Variants in ZNF142 observed in about 807,000 individuals in gnomAD.
The protein encoded by ZNF142 is zinc finger protein 142, also known as zinc finger protein 142 (clone pHZ-49).
A neutral mutation model predicts 132.1 loss-of-function variants in ZNF142; 96 were observed. The ratio of observed to expected loss-of-function variants is 0.73; its 90% CI spans 0.62 to 0.86. The LOEUF (loss-of-function observed/expected upper bound fraction) is 0.86, where lower values mean the gene tolerates loss of function less well. Ranked by LOEUF, ZNF142 falls within the 40% of genes least tolerant of loss-of-function variation. The pLI, the probability that ZNF142 is intolerant of heterozygous loss-of-function variation, is 0.00. For missense variants in ZNF142, 2,163 were observed against 2,336.2 expected, an observed-to-expected ratio of 0.93 and a Z score of 1.53; for synonymous variants, 842 against 890.1, an observed-to-expected ratio of 0.95 and a Z score of 0.96.
intron 9 of ZNF142, among the ~76,000 whole-genome samples, chr2:218,641,472 C>A (rs1318143656): frequency 2.0e-5 from 3 of 150,052 alleles, no homozygotes; most frequent in Non-Finnish European, 3.0e-5. Flanking sequence ...TCTCGATCTC[C>A]TGACCTCATG....
chr2:218,640,122 A>G (rs918846822), intron 10 of ZNF142, among the ~76,000 whole-genome samples: 4 of 151,536 alleles, frequency 2.6e-5, no homozygotes, highest in Admixed American at 1.3e-4. Flanking sequence ...TAGAGGTGAA[A>G]TAAGTGGCAT....
chr2:218,654,913 C>T (rs957435087), intron 4 of ZNF142, among the ~76,000 whole-genome samples: 2 of 151,978 alleles, frequency 1.3e-5, no homozygotes, highest in African/African-American at 4.8e-5. Flanking sequence ...GGTGAGACCT[C>T]GTTTCTACCA....
rs777375708 is a variant in ZNF142 at position 218,656,343 on chromosome 2, C to T, written c.87G>A (p.Pro29=). 9.5e-6 allele frequency: 15 copies of T among 1,585,586 alleles called. No individual in the cohort carries two copies. The highest frequency in any genetic ancestry group is 4.6e-5 in the South Asian group (4 of 86,404). The change falls in exon 4 of 11, where the codon CCG becomes CCA. Residue 29 remains proline, a synonymous_variant. Coordinates refer to ENST00000411696, the MANE Select transcript of ZNF142 (RefSeq NM_001379659.1). ...GLCPELLLIP[P]PLSNRGILGP... ...CCAGGATTCCACGGTTAGAGAGAGGCGGGGGGATCAGCAATAGCTCAGGGC... is the reference window on the plus strand; with the variant it reads ...CCAGGATTCCACGGTTAGAGAGAGGTGGGGGGATCAGCAATAGCTCAGGGC...
intron 7 of ZNF142, among the ~76,000 whole-genome samples, chr2:218,647,393 A>AG (rs1697830101): frequency 8.3e-6 from 1 of 120,126 alleles, no homozygotes; most frequent in Non-Finnish European, 1.7e-5. Context: ...ACTTTACTCC[A>AG]GCCTGAGCAA....
rs546867324 is a variant in ZNF142 at position 218,651,286 on chromosome 2, G to A, written c.880+415C>T. Among the ~76,000 whole-genome samples, 9 of 152,270 alleles carry A rather than the reference G, an allele frequency of 5.9e-5. No homozygotes were observed. In the South Asian group the frequency reaches 1.7e-3, roughly 28 times the overall value. ...CATGTGCCACAGTGCCCAGCCCAAA[G>A]GGTTATTTCCTTTTTAAAATAACCC... On this transcript the variant is annotated intron_variant, in intron 5 of 10. Coordinates refer to ENST00000411696, the MANE Select transcript of ZNF142 (RefSeq NM_001379659.1).
In ZNF142 at chr2:218,642,129, T is replaced by G; in HGVS notation, c.4987A>C (p.Asn1663His). 6.2e-7 allele frequency: 1 copy of G among 1,614,212 alleles called. No individual in the cohort carries two copies. Among genetic ancestry groups the G allele is most frequent in the Non-Finnish European group, 8.5e-7 (1 of 1,180,040 alleles). The change falls in exon 9 of 11, where the codon AAC becomes CAC. Residue 1663 changes from asparagine (N) to histidine (H), a missense_variant. Asn to His is a moderately conservative substitution (Grantham distance 68, BLOSUM62 1). Coordinates refer to ENST00000411696, the MANE Select transcript of ZNF142 (RefSeq NM_001379659.1). The surrounding 1 kb of genome is among the most constrained non-coding windows in gnomAD (Gnocchi z 4.6). Reference protein sequence around the residue: ...KCTDCAYSTKNRQKITWHSRI... With the variant: ...KCTDCAYSTKHRQKITWHSRI... ...CTGTGCCAGGTGATCTTCTGTCGGT[T>G]CTTGGTGCTGTAAGCACAATCGGTG...
Position 218,638,335 on chromosome 2 carries a change from G to C in ZNF142, c.*4C>G. 1 of 1,510,580 alleles carries C rather than the reference G, an allele frequency of 6.6e-7. No homozygotes were observed. The allele number at this position is 1,510,580 out of a possible 1,614,324, so 93.6% of individuals were successfully genotyped here. On this transcript the variant is annotated 3_prime_UTR_variant, in exon 11 of 11. Transcript: ENST00000411696. ...TCTTCCTATACAGGAGGTGGGGCAG[G>C]CTTTCAGCCCTCAGGTCCAGTGTGG...
rs1041188584 is a variant in ZNF142 at position 218,638,777 on chromosome 2, C to T, written c.5226G>A (p.Glu1742=). ...GTGCATCAGCCCGGTTGGTGCAGTACTCACACTCGGGACACTGGTATGGCT... is the reference window on the plus strand; with the variant it reads ...GTGCATCAGCCCGGTTGGTGCAGTATTCACACTCGGGACACTGGTATGGCT... The part of the protein sequence containing the change: ...GLKPYQCPEC[E]YCTNRADALR... Residue 1742 remains glutamate, a synonymous_variant, in exon 11 of 11, where the codon GAG becomes GAA. Transcript: ENST00000411696. 15 of 1,606,204 alleles carry T rather than the reference C, an allele frequency of 9.3e-6. No individual in the cohort carries two copies. The highest frequency in any genetic ancestry group is 1.1e-5 in the Non-Finnish European group (13 of 1,179,542).
rs1182575613 is a variant in ZNF142, at chr2:218,644,908, G to A, written c.2208C>T (p.His736=). The change falls in exon 9 of 11, where the codon CAC becomes CAT. Residue 736 remains histidine, a synonymous_variant. Transcript: ENST00000411696. This position sits in a 1 kb window ranked among gnomAD's most constrained non-coding sequence, Gnocchi z 4.6. The part of the protein sequence containing the change: ...ELQKHMASQH[H]PGTPAPLYPC... ...GGTAGAGTGGGGCCGGTGTGCCAGG[G>A]TGGTGCTGGGAAGCCATGTGCTTCT... 3 of 1,614,064 alleles carry A rather than the reference G, an allele frequency of 1.9e-6. No individual in the cohort carries two copies. In the East Asian group the frequency reaches 6.7e-5, roughly 36 times the overall value.
intron 4 of ZNF142, 100 bp downstream of exon 4, chr2:218,656,050 C>T: frequency 7.5e-7 from 1 of 1,335,552 alleles, no homozygotes; most frequent in Non-Finnish European, 9.9e-7. Context: ...AAATAGGATG[C>T]TACCTTGTGT....
Position 218,635,585 on chromosome 2 carries a change from G to A in ZNF142, c.*2754C>T, listed in dbSNP as rs563549779. ...TGGTTTCAAGTGATCTGCCCACCTC[G>A]GCCTCCTGAAGTGTTGGGATTACAG... On this transcript the variant is annotated 3_prime_UTR_variant, in exon 11 of 11. Coordinates refer to ENST00000411696, the MANE Select transcript of ZNF142 (RefSeq NM_001379659.1). 4.6e-5 allele frequency among the ~76,000 whole-genome samples: 7 copies of A among 152,260 alleles called. No individual in the cohort carries two copies. In the East Asian group the frequency reaches 9.6e-4, roughly 21 times the overall value.
At position 218,650,435 on chromosome 2, in the gene ZNF142, C is replaced by G; in HGVS notation, c.972G>C (p.Glu324Asp). Residue 324 changes from glutamate to aspartate, a missense_variant, in exon 6 of 11, where the codon GAG (glutamate) becomes GAC (aspartate). This residue lies in a region of ZNF142 where 749 missense variants were observed against 830.3 expected (regional missense o/e 0.90). Transcript: ENST00000411696. ...GQETAEEENVEKEEKSDTQKD... is the reference protein window; with the variant it reads ...GQETAEEENVDKEEKSDTQKD... The stretch of plus-strand genomic sequence containing the variant: ...TCTGGGTGTCACTCTTCTCTTCTTT[C>G]TCTACATTCTCCTCTTCAGCTGTCT... 1 of 1,614,218 alleles carries G rather than the reference C, an allele frequency of 6.2e-7. No individual in the cohort carries two copies. The highest frequency in any genetic ancestry group is 2.2e-5 in the East Asian group (1 of 44,888).
At chr2:218,645,451 C>G (rs762643785) in intron 8 of ZNF142, among the ~76,000 whole-genome samples, 5 of 152,196 alleles carry the variant, frequency 3.3e-5, no homozygotes, top group Non-Finnish European at 7.3e-5. Flanking sequence ...TGCCTCATTT[C>G]CCTTCTCCCA....
At position 218,635,080 on chromosome 2, in the gene ZNF142, TG is replaced by T. The variant is rs1696641325; in HGVS notation, c.*3258del. Among the ~76,000 whole-genome samples, 1 of 151,860 alleles carries T rather than the reference TG, an allele frequency of 6.6e-6. No homozygotes were observed. The highest frequency in any genetic ancestry group is 1.5e-5 in the Non-Finnish European group (1 of 67,918). ...GTCTCAACAAAAAATTTAAAAATTT[TG>T]TAGAGACTCCCGTCTCTACAAAAAA... On this transcript the variant is annotated 3_prime_UTR_variant, in exon 11 of 11. Coordinates refer to ENST00000411696, the MANE Select transcript of ZNF142 (RefSeq NM_001379659.1).
chr2:218,656,030 C>T, intron 4 of ZNF142, 120 bp downstream of exon 4: 1 of 1,256,984 alleles, frequency 8.0e-7, no homozygotes. Context: ...GACAACATCT[C>T]CAAGTATAAA....
chr2:218,635,878 T>C lies in ZNF142; in HGVS notation c.*2461A>G. Reference sequence around the variant, plus strand: ...GATCCACTGGTGAAAGTGCAGATCTTTGGCGTTCGTCTAGACACAGCACGG... The same window carrying C: ...GATCCACTGGTGAAAGTGCAGATCTCTGGCGTTCGTCTAGACACAGCACGG... On this transcript the variant is annotated 3_prime_UTR_variant, in exon 11 of 11. Transcript: ENST00000411696. 6.2e-7 allele frequency: 1 copy of C among 1,613,914 alleles called. No homozygotes were observed. Among genetic ancestry groups the C allele is most frequent in the Non-Finnish European group, 8.5e-7 (1 of 1,179,868 alleles).
chr2:218,653,458 T>A (rs1938205217), intron 4 of ZNF142, among the ~76,000 whole-genome samples: 1 of 151,764 alleles, frequency 6.6e-6, no homozygotes, highest in South Asian at 2.1e-4. Flanking sequence ...ATGCCTGTAA[T>A]CCCAGTTACT....
Position 218,642,443 on chromosome 2 carries a change from G to T in ZNF142, c.4673C>A (p.Ala1558Asp), listed in dbSNP as rs114603798. 535 of 1,612,482 alleles carry T rather than the reference G, an allele frequency of 3.3e-4. No individual in the cohort carries two copies. Among genetic ancestry groups the T allele is most frequent in the Non-Finnish European group, 2.1e-4 (248 of 1,179,634 alleles). The change falls in exon 9 of 11, where the codon GCC becomes GAC. Residue 1558 changes from alanine (A) to aspartate (D), a missense_variant. Coordinates refer to ENST00000411696, the MANE Select transcript of ZNF142 (RefSeq NM_001379659.1). This position sits in a 1 kb window ranked among gnomAD's most constrained non-coding sequence, Gnocchi z 4.6. The part of the protein sequence containing the change: ...RKQHPRLECG[A>D]CQEAFPSRLA... ...TCGGCTAGGGAAGGCCTCCTGGCAG[G>T]CCCCACACTCAAGCCGTGGGTGCTG...
intron 4 of ZNF142, among the ~76,000 whole-genome samples, chr2:218,653,265 AGACT>A (rs1938183911): frequency 7.3e-6 from 1 of 136,494 alleles, no homozygotes; most frequent in Admixed American, 7.9e-5. Flanking sequence ...GCCAAGAGAG[AGACT>A]CTGTCTCAAA....
Sources: gnomAD v4.1 joint callset for allele counts (sites outside exome capture counted in the v4.1 genomes callset) on GRCh38, gnomAD v4.1.1 for gene constraint, gnomAD v4.1.1 regional missense constraint, Gnocchi (gnomAD v3.1) non-coding constraint, MANE v1.5 for transcripts, NCBI Gene and HGNC (gene_info 2026-07-23, HGNC 2026-07-21) for gene names.